The following RAMP1 variants were observed in gnomAD, a reference collection of about 807,000 sequenced individuals.
RAMP1 encodes receptor activity modifying protein 1.
RAMP1 carries 7 observed loss-of-function variants against 8.2 expected under a neutral mutation model. That is an observed-to-expected ratio of 0.85 (90% CI 0.49 to 1.60). The LOEUF (loss-of-function observed/expected upper bound fraction) is 1.60, where lower values mean the gene tolerates loss of function less well. Among genes scored for constraint, RAMP1 ranks in the 40% most tolerant of loss-of-function variants. RAMP1 has a pLI of 0.00. For missense variants in RAMP1, 192 were observed against 202.4 expected, an observed-to-expected ratio of 0.95 and a Z score of 0.31; for synonymous variants, 92 against 84.7, an observed-to-expected ratio of 1.09 and a Z score of -0.47.
rs780703581 is a variant in RAMP1, at chr2:237,859,705, G to C, written c.30G>C (p.Arg10=). 15 of 1,513,076 alleles carry C rather than the reference G, an allele frequency of 9.9e-6. No individual in the cohort carries two copies. The South Asian group carries it at 1.9e-4, about 19-fold the overall frequency. The allele number at this position is 1,513,076 out of a possible 1,614,324, so 93.7% of individuals were successfully genotyped here. MARALCRLP[R]RGLWLLLAHH... is the part of the protein sequence containing the mutation. ...CCCGGGCCCTGTGCCGCCTCCCGCGGCGCGGCCTCTGGCTGCTCCTGGGTG... is the reference window on the plus strand; with the variant it reads ...CCCGGGCCCTGTGCCGCCTCCCGCGCCGCGGCCTCTGGCTGCTCCTGGGTG... Residue 10 remains arginine, a synonymous_variant, in exon 1 of 3, where the codon CGG becomes CGC. Coordinates refer to ENST00000254661, the MANE Select transcript of RAMP1 (RefSeq NM_005855.4).
In RAMP1 at chr2:237,862,419, C is replaced by T. The variant is rs746223134; in HGVS notation, c.52+2692C>T. On this transcript the variant is annotated intron_variant, in intron 1 of 2. Coordinates refer to ENST00000254661, the MANE Select transcript of RAMP1 (RefSeq NM_005855.4). The surrounding 1 kb of genome is among the most constrained non-coding windows in gnomAD (Gnocchi z 4.0). ...CCTGTCAGCGTGCTTATTACCAGTC[C>T]GAGGCCAGGGCTGTTGAGAAACATT... is the stretch of plus-strand genomic sequence containing the variant. Among the ~76,000 whole-genome samples, 3 of 152,168 alleles carry T rather than the reference C, an allele frequency of 2.0e-5. No individual in the cohort carries two copies. The highest frequency in any genetic ancestry group is 4.4e-5 in the Non-Finnish European group (3 of 68,028).
chr2:237,879,701 A>AC, intron 2 of RAMP1, among the ~76,000 whole-genome samples: 1 of 148,724 alleles, frequency 6.7e-6, no homozygotes, highest in Non-Finnish European at 1.5e-5. Flanking sequence ...AAAAAAAAAA[A>AC]AAATCTGACC....
chr2:237,903,253 C>A (rs768273232), intron 2 of RAMP1, among the ~76,000 whole-genome samples: 1 of 152,358 alleles, frequency 6.6e-6, no homozygotes, highest in Non-Finnish European at 1.5e-5. Context: ...TAAACAATTT[C>A]TGTGACCGCT....
At chr2:237,888,794 C>T (rs302675) in intron 2 of RAMP1, among the ~76,000 whole-genome samples, 24,921 of 151,936 alleles carry the variant, frequency 0.16, 2,188 homozygotes, top group Middle Eastern at 0.28. Flanking sequence ...TGTTTTGAGA[C>T]GGAGTCTCCC....
In RAMP1 at chr2:237,911,728, T is replaced by C. The variant is rs760320434; in HGVS notation, c.392T>C (p.Leu131Pro). ...ATCGTGGTCCCCATCACGGTGACCC[T>C]GCTGGTGACGGCACTGGTGGTCTGG... Reference protein sequence around the residue: ...PFIVVPITVTLLVTALVVWQS... With the variant: ...PFIVVPITVTPLVTALVVWQS... The change falls in exon 3 of 3, where the codon CTG becomes CCG. Residue 131 changes from leucine (L) to proline (P), a missense_variant. Leu to Pro is a moderately conservative substitution (Grantham distance 98, BLOSUM62 -3). Transcript: ENST00000254661. 6.2e-7 allele frequency: 1 copy of C among 1,613,540 alleles called. No individual in the cohort carries two copies. Among genetic ancestry groups the C allele is most frequent in the East Asian group, 2.2e-5 (1 of 44,840 alleles).
At chr2:237,867,752 C>T (rs72976045) in intron 1 of RAMP1, among the ~76,000 whole-genome samples, 3,719 of 152,296 alleles carry the variant, frequency 0.024, 88 homozygotes, top group African/African-American at 0.05. Flanking sequence ...CTGTTGGCCA[C>T]TGTTTGTTCT....
chr2:237,887,737 G>A (rs559432267), intron 2 of RAMP1, among the ~76,000 whole-genome samples: 208 of 152,276 alleles, frequency 1.4e-3, no homozygotes, highest in African/African-American at 4.8e-3. Flanking sequence ...CCAGGAGTTC[G>A]AGACCAGCCT....
chr2:237,911,173 G>A (rs1189264232), intron 2 of RAMP1, among the ~76,000 whole-genome samples: 3 of 152,362 alleles, frequency 2.0e-5, no homozygotes, highest in South Asian at 2.1e-4. Flanking sequence ...ACCAGCCTGC[G>A]ACCTTGCCCA....
intron 1 of RAMP1, chr2:237,874,633 T>C (rs2062281756): frequency 1.0e-6 from 1 of 983,114 alleles, no homozygotes. Context: ...ACACCCAATC[T>C]TTCCACTCCA....
intron 2 of RAMP1, among the ~76,000 whole-genome samples, chr2:237,899,795 G>A (rs2062580014): frequency 6.6e-6 from 1 of 152,202 alleles, no homozygotes; most frequent in African/African-American, 2.4e-5. Flanking sequence ...TTAAGAATTT[G>A]CAGTGGCTCA....
chr2:237,870,918 C>T (rs761114431), intron 1 of RAMP1, among the ~76,000 whole-genome samples: 1 of 152,146 alleles, frequency 6.6e-6, no homozygotes, highest in Non-Finnish European at 1.5e-5. Context: ...GCAGGCACTT[C>T]GTGGGGGTAG....
intron 1 of RAMP1, chr2:237,874,788 A>T (rs2062282700): frequency 7.6e-6 from 6 of 790,492 alleles, no homozygotes; most frequent in African/African-American, 5.6e-5. Flanking sequence ...AGAAAGGAGT[A>T]GGAGATGAGA....
chr2:237,912,018 T>TA lies in RAMP1; in HGVS notation c.*236dup. ...AGGGGGCAGGGACGTGACCTTGACT[T>TA]ACCTCTGGAAAGGGTCCCAGCCTAG... On this transcript the variant is annotated 3_prime_UTR_variant, in exon 3 of 3. Transcript: ENST00000254661. 1 of 643,688 alleles carries TA rather than the reference T, an allele frequency of 1.6e-6. No homozygotes were observed. Among genetic ancestry groups the TA allele is most frequent in the Non-Finnish European group, 2.6e-6 (1 of 383,374 alleles). 39.9% of individuals were successfully genotyped at this position (643,688 alleles called of 1,614,324 possible). A position where few individuals can be genotyped will look rare whatever the true frequency, so the allele number is the denominator to read the frequency against.
In RAMP1 at chr2:237,877,413, G is replaced by C. The variant is rs1226639515; in HGVS notation, c.191+51G>C. On this transcript the variant is annotated intron_variant, in intron 2 of 2. Coordinates refer to ENST00000254661, the MANE Select transcript of RAMP1 (RefSeq NM_005855.4). This position sits in a 1 kb window ranked among gnomAD's most constrained non-coding sequence, Gnocchi z 4.4. ...AGGACACGGTTGGGGAGGGAGAGGG[G>C]GCAAGCGGAGGAGGAGTGGACCACG... The C allele has an allele frequency of 6.3e-7, 1 of 1,577,366 alleles. No individual in the cohort carries two copies.
At chr2:237,879,932 G>A (rs1196585170) in intron 2 of RAMP1, among the ~76,000 whole-genome samples, 3 of 146,046 alleles carry the variant, frequency 2.1e-5, no homozygotes, top group Admixed American at 6.9e-5. Flanking sequence ...GGAGGTTGCC[G>A]TGAGCCGAGA....
intron 2 of RAMP1, among the ~76,000 whole-genome samples, chr2:237,902,513 C>T (rs1302141415): frequency 6.6e-6 from 1 of 152,092 alleles, no homozygotes; most frequent in Non-Finnish European, 1.5e-5. Flanking sequence ...GTCCTGCCCC[C>T]AGGGCCCACC....
chr2:237,871,552 C>T (rs1012307094), intron 1 of RAMP1, among the ~76,000 whole-genome samples: 3 of 152,136 alleles, frequency 2.0e-5, no homozygotes, highest in Non-Finnish European at 4.4e-5. Context: ...GAGGCAGCAG[C>T]AGGCGTTCCT....
Position 237,877,223 on chromosome 2 carries a change from G to C in RAMP1, c.53-1G>C. The C allele has an allele frequency of 6.2e-7, 1 of 1,613,840 alleles. No homozygotes were observed. Among genetic ancestry groups the C allele is most frequent in the Non-Finnish European group, 8.5e-7 (1 of 1,179,992 alleles). ...TCTCTTCATGGCCGTGTCTATTTCAGCCCATCACCTCTTCATGACCACTGC... is the reference window on the plus strand; with the variant it reads ...TCTCTTCATGGCCGTGTCTATTTCACCCCATCACCTCTTCATGACCACTGC... On this transcript the variant is annotated splice_acceptor_variant, in intron 1 of 2. Transcript: ENST00000254661. LOFTEE classifies it high-confidence loss of function. The surrounding 1 kb of genome is among the most constrained non-coding windows in gnomAD (Gnocchi z 4.4).
At chr2:237,893,968 TTC>T (rs1491480295) in intron 2 of RAMP1, among the ~76,000 whole-genome samples, 41 of 110,160 alleles carry the variant, frequency 3.7e-4, no homozygotes, top group African/African-American at 1.5e-3. Context: ...TAAAAATACT[TTC>T]TTTTTTTTTT....
Sources: gnomAD v4.1 joint callset for allele counts (sites outside exome capture counted in the v4.1 genomes callset) on GRCh38, gnomAD v4.1.1 for gene constraint, Gnocchi (gnomAD v3.1) non-coding constraint, MANE v1.5 for transcripts, NCBI Gene and HGNC (gene_info 2026-07-23, HGNC 2026-07-21) for gene names.